AP1G1: variants seen among roughly 807,000 people sequenced by gnomAD.
AP1G1 encodes AP-1 complex subunit gamma-1.
Under a neutral mutation model 108.3 loss-of-function variants are expected in AP1G1, and 7 were observed. That is an observed-to-expected ratio of 0.06 (90% CI 0.04 to 0.12). The LOEUF (loss-of-function observed/expected upper bound fraction) is 0.12. Among genes scored for constraint, AP1G1 ranks in the 10% least tolerant of loss-of-function variants. The probability of loss-of-function intolerance (pLI) is 1.00; values close to 1 mark genes in which losing one functional copy is unlikely to be tolerated. For missense variants in AP1G1, 756 were observed against 1,010.7 expected (o/e 0.75, Z 3.42); for synonymous variants, 379 against 353.5 (o/e 1.07, Z -0.81).
intron 17 of AP1G1, among the ~76,000 whole-genome samples, chr16:71,746,166 T>C (rs1403199356): frequency 6.6e-6 from 1 of 152,100 alleles, no homozygotes; most frequent in Non-Finnish European, 1.5e-5. Context: ...TGCGCCACCA[T>C]GCCCAACTAA....
intron 1 of AP1G1, among the ~76,000 whole-genome samples, chr16:71,805,008 CTCAA>C (rs963282683): frequency 3.3e-5 from 5 of 151,830 alleles, no homozygotes; most frequent in African/African-American, 7.3e-5. Context: ...GAGAACCTGT[CTCAA>C]TCAATCAATC....
intron 21 of AP1G1, 61 bp downstream of exon 21, chr16:71,738,881 G>GAAAA: frequency 9.2e-7 from 1 of 1,081,082 alleles, no homozygotes; most frequent in Non-Finnish European, 1.3e-6. Flanking sequence ...CCAAACACAT[G>GAAAA]AAAAAAAAAA....
chr16:71,771,061 C>T (rs1490415231), intron 5 of AP1G1, 95 bp downstream of exon 5: 5 of 726,568 alleles, frequency 6.9e-6, no homozygotes, highest in Non-Finnish European at 1.1e-5. Context: ...AACGCGACTC[C>T]ACTGTTCTGA....
At chr16:71,757,967 C>T (rs2030886161) in intron 11 of AP1G1, among the ~76,000 whole-genome samples, 1 of 152,182 alleles carries the variant, frequency 6.6e-6, no homozygotes. Flanking sequence ...CATTGGCCTG[C>T]TCTGAGAACC....
chr16:71,740,452 T>A (rs2045604961), intron 19 of AP1G1, among the ~76,000 whole-genome samples: 1 of 152,172 alleles, frequency 6.6e-6, no homozygotes. Context: ...TCCAAAAGCA[T>A]TCATAGCAGG....
chr16:71,751,008 T>G (rs953839245), intron 13 of AP1G1, among the ~76,000 whole-genome samples: 1 of 151,184 alleles, frequency 6.6e-6, no homozygotes, highest in Non-Finnish European at 1.5e-5. Flanking sequence ...TACAAAAAAT[T>G]AGCCGGGCAT....
intron 6 of AP1G1, chr16:71,768,030 T>G (rs1327697707): frequency 1.3e-6 from 1 of 790,404 alleles, no homozygotes. Context: ...AAAGAACTCC[T>G]GTTAGAGCCT....
At chr16:71,740,515 TAATG>T (rs1235714161) in intron 19 of AP1G1, among the ~76,000 whole-genome samples, 1 of 152,224 alleles carries the variant, frequency 6.6e-6, no homozygotes, top group East Asian at 1.9e-4. Context: ...GTCATCTTGA[TAATG>T]AATAAGTAAA....
intron 19 of AP1G1, 134 bp downstream of exon 19, chr16:71,745,010 G>T: frequency 1.1e-6 from 1 of 924,984 alleles, no homozygotes; most frequent in Non-Finnish European, 1.6e-6. Flanking sequence ...ATATTGTGAA[G>T]ATTTGACTCT....
chr16:71,797,091 C>T (rs967568855), intron 1 of AP1G1, among the ~76,000 whole-genome samples: 9 of 151,246 alleles, frequency 6.0e-5, no homozygotes, highest in Non-Finnish European at 1.3e-4. Flanking sequence ...ACAATGATCG[C>T]TAAACAAGAC....
chr16:71,738,695 C>T (rs912253809), intron 21 of AP1G1, among the ~76,000 whole-genome samples: 1 of 152,194 alleles, frequency 6.6e-6, no homozygotes, highest in African/African-American at 2.4e-5. Context: ...GAATTCTGCT[C>T]TCACTACTAT....
intron 1 of AP1G1, among the ~76,000 whole-genome samples, chr16:71,801,320 G>T (rs1295971598): frequency 1.5e-5 from 2 of 129,392 alleles, no homozygotes; most frequent in Non-Finnish European, 3.2e-5. Flanking sequence ...TATATTTACT[G>T]ACCATGACAT....
At chr16:71,746,159 G>A (rs1391097260) in intron 17 of AP1G1, among the ~76,000 whole-genome samples, 2 of 152,034 alleles carry the variant, frequency 1.3e-5, no homozygotes, top group African/African-American at 2.4e-5. Flanking sequence ...ACAGGCATGC[G>A]CCACCATGCC....
chr16:71,759,770 A>AT (rs1421824271), intron 10 of AP1G1, among the ~76,000 whole-genome samples: 131 of 150,970 alleles, frequency 8.7e-4, no homozygotes, highest in Middle Eastern at 3.4e-3. Context: ...AAAAAAAAAA[A>AT]AAATTAATTA....
In AP1G1 at chr16:71,755,128, T is replaced by C. The variant is rs61550341; in HGVS notation, c.1229+891A>G. On this transcript the variant is annotated intron_variant, in intron 12 of 22. Coordinates refer to ENST00000299980, the MANE Select transcript of AP1G1 (RefSeq NM_001128.6). Reference sequence around the variant, plus strand: ...TGCTGTAACTGTTCTATTGCCTTTATTAAAACAGCATCACAGGCCAGGTGT... The same window carrying C: ...TGCTGTAACTGTTCTATTGCCTTTACTAAAACAGCATCACAGGCCAGGTGT... Among the ~76,000 whole-genome samples the C allele has an allele frequency of 2.4e-3, 372 of 152,300 alleles. 2 individuals carry two copies. Among genetic ancestry groups the C allele is most frequent in the African/African-American group, 8.0e-3 (333 of 41,550 alleles).
At chr16:71,737,063 T>C (rs77997570) in intron 21 of AP1G1, among the ~76,000 whole-genome samples, 8,631 of 152,140 alleles carry the variant, frequency 0.057, 820 homozygotes, top group African/African-American at 0.19. Context: ...ACTGAACAGA[T>C]GAAAAGTGCT....
At chr16:71,741,804 A>C (rs1016521464) in intron 19 of AP1G1, among the ~76,000 whole-genome samples, 7 of 152,198 alleles carry the variant, frequency 4.6e-5, no homozygotes, top group African/African-American at 1.7e-4. Context: ...AATTTTAGAA[A>C]TGTGTTCTCA....
chr16:71,798,043 G>C (rs2032647853), intron 1 of AP1G1, among the ~76,000 whole-genome samples: 1 of 152,184 alleles, frequency 6.6e-6, no homozygotes, highest in East Asian at 1.9e-4. Context: ...AGTAAGAAAG[G>C]TATAGGAACT....
At chr16:71,743,796 A>T (rs999268717) in intron 19 of AP1G1, among the ~76,000 whole-genome samples, 13 of 150,660 alleles carry the variant, frequency 8.6e-5, no homozygotes, top group African/African-American at 3.2e-4. Context: ...AACTACAAAA[A>T]TTAGCCAGGC....
Sources: allele counts gnomAD v4.1 joint callset (sites outside exome capture counted in the v4.1 genomes callset), GRCh38; gene constraint gnomAD v4.1.1; transcripts MANE v1.5; gene names NCBI Gene and HGNC (gene_info 2026-07-23, HGNC 2026-07-21).